The following DNALI1 variants were observed in gnomAD, a reference collection of about 807,000 sequenced individuals.
DNALI1 encodes axonemal dynein light intermediate polypeptide 1.
Under a neutral mutation model 33.9 loss-of-function variants are expected in DNALI1, and 31 were observed. The ratio of observed to expected loss-of-function variants is 0.91; its 90% CI spans 0.69 to 1.23. The LOEUF is 1.23. Ranked by LOEUF, DNALI1 falls within the 50% of genes most tolerant of loss-of-function variation. DNALI1 has a pLI of 0.00. For synonymous variants in DNALI1, 117 were observed against 129.2 expected (o/e 0.91, Z 0.64); for missense variants, 305 against 323.8 (o/e 0.94, Z 0.44).
intron 5 of DNALI1, among the ~76,000 whole-genome samples, chr1:37,564,627 C>A (rs561880988): frequency 2.6e-5 from 4 of 152,260 alleles, no homozygotes; most frequent in African/African-American, 9.6e-5. Flanking sequence ...ACGATCCGCC[C>A]GCCTCAGCCT....
intron 5 of DNALI1, among the ~76,000 whole-genome samples, chr1:37,563,391 A>G (rs1345596005): frequency 6.6e-6 from 1 of 152,218 alleles, no homozygotes; most frequent in Non-Finnish European, 1.5e-5. Context: ...TTCTTCCTGG[A>G]TTAGCAACAA....
At position 37,566,603 on chromosome 1, in the gene DNALI1, A is replaced by G; in HGVS notation, c.*1542A>G. 1 of 447,318 alleles carries G rather than the reference A, an allele frequency of 2.2e-6. No homozygotes were observed. The highest frequency in any genetic ancestry group is 3.9e-6 in the Non-Finnish European group (1 of 254,698). 27.7% of individuals were successfully genotyped at this position (447,318 alleles called of 1,614,324 possible). On this transcript the variant is annotated 3_prime_UTR_variant, in exon 6 of 6. Coordinates refer to ENST00000652629, the MANE Select transcript of DNALI1 (RefSeq NM_003462.5). ...AGACCTCATCCCCTATTTCTGTCAG[A>G]CAGTTATATGACAGGGTGACTGTGG... is the stretch of plus-strand genomic sequence containing the variant.
chr1:37,561,466 T>A lies in DNALI1; in HGVS notation c.398-91T>A. 6.8e-7 allele frequency: 1 copy of A among 1,468,106 alleles called. No individual in the cohort carries two copies. Among genetic ancestry groups the A allele is most frequent in the Non-Finnish European group, 9.2e-7 (1 of 1,081,830 alleles). 90.9% of individuals were successfully genotyped at this position (1,468,106 alleles called of 1,614,324 possible). A position where few individuals can be genotyped will look rare whatever the true frequency, so the allele number is the denominator to read the frequency against. On this transcript the variant is annotated intron_variant, in intron 3 of 5. Transcript: ENST00000652629. The surrounding 1 kb of genome is among the most constrained non-coding windows in gnomAD (Gnocchi z 4.6). ...GTCTCCAAGCGAGAACACCCTAATG[T>A]CCTTCCCAAGAGGAAGGGTGTTTGC...
intron 1 of DNALI1, 144 bp downstream of exon 1, chr1:37,557,219 T>C: frequency 1.5e-6 from 2 of 1,341,948 alleles, no homozygotes; most frequent in Non-Finnish European, 2.0e-6. Context: ...AGAAGGAGGG[T>C]GAGAGGATTG....
Position 37,559,210 on chromosome 1 carries a change from T to A in DNALI1, c.228-117T>A. 1 of 1,078,440 alleles carries A rather than the reference T, an allele frequency of 9.3e-7. No individual in the cohort carries two copies. The highest frequency in any genetic ancestry group is 1.3e-6 in the Non-Finnish European group (1 of 768,524). 66.8% of individuals were successfully genotyped at this position (1,078,440 alleles called of 1,614,324 possible). On this transcript the variant is annotated intron_variant, in intron 2 of 5. Transcript: ENST00000652629. This position sits in a 1 kb window ranked among gnomAD's most constrained non-coding sequence, Gnocchi z 5.3. ...CAAGGGATGGAGGATTCTGGTGGGT[T>A]GGTGGCAAAGCTGCCCCTCACCACT...
In DNALI1 at chr1:37,565,251, C is replaced by T. The variant is rs1480736694; in HGVS notation, c.*190C>T. ...ACACTATTACTCCAATGTCATCAGA[C>T]ACCTAAGGTCTGCCAGCCAGGCTCC... On this transcript the variant is annotated 3_prime_UTR_variant, in exon 6 of 6. Transcript: ENST00000652629. 1.1e-5 allele frequency: 7 copies of T among 628,902 alleles called. No individual in the cohort carries two copies. The highest frequency in any genetic ancestry group is 2.9e-5 in the Admixed American group (1 of 34,264). 39.0% of individuals were successfully genotyped at this position (628,902 alleles called of 1,614,324 possible). A position where few individuals can be genotyped will look rare whatever the true frequency, so the allele number is the denominator to read the frequency against.
rs1643484958 is a variant in DNALI1 at position 37,565,164 on chromosome 1, A to G, written c.*103A>G. On this transcript the variant is annotated 3_prime_UTR_variant, in exon 6 of 6. Transcript: ENST00000652629. ...CATAAGCCCTTTGTAATAAAAAGCT[A>G]GTTTCCTGAGTGAACAAGCCATAAC... 1 of 1,345,602 alleles carries G rather than the reference A, an allele frequency of 7.4e-7. No homozygotes were observed. The highest frequency in any genetic ancestry group is 1.0e-6 in the Non-Finnish European group (1 of 957,648). 83.4% of individuals were successfully genotyped at this position (1,345,602 alleles called of 1,614,324 possible).
In DNALI1 at chr1:37,557,710, G is replaced by A. The variant is rs1643389132; in HGVS notation, c.189G>A (p.Lys63=). 1 of 1,613,826 alleles carries A rather than the reference G, an allele frequency of 6.2e-7. No individual in the cohort carries two copies. Among genetic ancestry groups the A allele is most frequent in the African/African-American group, 1.3e-5 (1 of 74,912 alleles). ...CTCCCTGTGTCCCAGATCCTACAAA[G>A]CAGGCAGAAGAAATCTTGAATGCCA... is the stretch of plus-strand genomic sequence containing the variant. ...PSTPCVPDPT[K]QAEEILNAIL... The change falls in exon 2 of 6, where the codon AAG becomes AAA. Residue 63 remains lysine (K), a synonymous_variant. Coordinates refer to ENST00000652629, the MANE Select transcript of DNALI1 (RefSeq NM_003462.5).
rs2148123547 is a variant in DNALI1, at chr1:37,563,012, C to T, written c.741+767C>T. Among the ~76,000 whole-genome samples, 5 of 152,344 alleles carry T rather than the reference C, an allele frequency of 3.3e-5. 1 individual carries two copies. The South Asian group carries it at 1.0e-3, about 32-fold the overall frequency. On this transcript the variant is annotated intron_variant, in intron 5 of 5. Transcript: ENST00000652629. ...GTTGGGGTCCAGCAATGTGCTTTAA[C>T]AAGGTCTCAGGTGATTCTAATGTTT... is the stretch of plus-strand genomic sequence containing the variant.
Position 37,561,828 on chromosome 1 carries a change from A to G in DNALI1, c.576+93A>G, listed in dbSNP as rs1643443283. 3.3e-6 allele frequency: 5 copies of G among 1,493,654 alleles called. No individual in the cohort carries two copies. The highest frequency in any genetic ancestry group is 4.5e-6 in the Non-Finnish European group (5 of 1,107,690). The allele number at this position is 1,493,654 out of a possible 1,614,324, so 92.5% of individuals were successfully genotyped here. A position where few individuals can be genotyped will look rare whatever the true frequency, so the allele number is the denominator to read the frequency against. ...TTCCAGCACTACATTCTGACCTCCT[A>G]AGGTGCTCTGCTGACAGTCACGACA... On this transcript the variant is annotated intron_variant, in intron 4 of 5. Coordinates refer to ENST00000652629, the MANE Select transcript of DNALI1 (RefSeq NM_003462.5). The surrounding 1 kb of genome is among the most constrained non-coding windows in gnomAD (Gnocchi z 4.6).
In DNALI1 at chr1:37,559,750, CACAG is replaced by C. The variant is rs1283254153; in HGVS notation, c.397+258_397+261del. Among the ~76,000 whole-genome samples, 8 of 152,192 alleles carry C rather than the reference CACAG, an allele frequency of 5.3e-5. No homozygotes were observed. The highest frequency in any genetic ancestry group is 1.7e-4 in the African/African-American group (7 of 41,442). On this transcript the variant is annotated intron_variant, in intron 3 of 5. Coordinates refer to ENST00000652629, the MANE Select transcript of DNALI1 (RefSeq NM_003462.5). The surrounding 1 kb of genome is among the most constrained non-coding windows in gnomAD (Gnocchi z 5.3). ...GGAGAGACTAAGAAAAGAAATAAGACACAGACAAAGTATAGAGAAAGAAAGGTGG... is the reference window on the plus strand; with the variant it reads ...GGAGAGACTAAGAAAAGAAATAAGACACAAAGTATAGAGAAAGAAAGGTGG...
intron 2 of DNALI1, among the ~76,000 whole-genome samples, chr1:37,558,713 G>A (rs1643401301): frequency 1.3e-5 from 2 of 152,100 alleles, no homozygotes; most frequent in Non-Finnish European, 1.5e-5. Flanking sequence ...TTTCTTCCAG[G>A]CCTTCCTTGA....
intron 3 of DNALI1, chr1:37,560,410 T>C (rs895645671): frequency 1.3e-5 from 2 of 152,230 alleles, no homozygotes; most frequent in African/African-American, 4.8e-5. Context: ...GAATGGAGAA[T>C]GGCGATGACT....
At chr1:37,564,699 C>T (rs562510506) in intron 5 of DNALI1, among the ~76,000 whole-genome samples, 2 of 152,248 alleles carry the variant, frequency 1.3e-5, no homozygotes, top group African/African-American at 4.8e-5. Flanking sequence ...AAATGTTTAA[C>T]TTAGCAGACA....
At position 37,561,999 on chromosome 1, in the gene DNALI1, T is replaced by G; in HGVS notation, c.577-82T>G. On this transcript the variant is annotated intron_variant, in intron 4 of 5. Coordinates refer to ENST00000652629, the MANE Select transcript of DNALI1 (RefSeq NM_003462.5). The surrounding 1 kb of genome is among the most constrained non-coding windows in gnomAD (Gnocchi z 4.6). The stretch of plus-strand genomic sequence containing the variant: ...GGCAGTATATACCCTGGCAATGTCA[T>G]GTCCCATGTCCCTTCCACCCAGGCT... The G allele has an allele frequency of 6.3e-7, 1 of 1,588,134 alleles. No individual in the cohort carries two copies.
In DNALI1 at chr1:37,561,597, G is replaced by GT; in HGVS notation, c.438_439insT (p.Gly147TrpfsTer37). ...AGGTCACCATCAACTGTGCGGAGAG[G>GT]GGGCTGCTGCTGCTGCGAGTCCGGG... On this transcript the variant is annotated frameshift_variant, in exon 4 of 6. Transcript: ENST00000652629. LOFTEE classifies it high-confidence loss of function. This position sits in a 1 kb window ranked among gnomAD's most constrained non-coding sequence, Gnocchi z 4.6. The GT allele has an allele frequency of 6.2e-7, 1 of 1,613,946 alleles. No homozygotes were observed. The highest frequency in any genetic ancestry group is 8.5e-7 in the Non-Finnish European group (1 of 1,179,954).
rs1643378164 is a variant in DNALI1, at chr1:37,557,001, C to A, written c.7C>A (p.Pro3Thr). The change falls in exon 1 of 6, where the codon CCG (proline) becomes ACG (threonine). Residue 3 changes from proline (P) to threonine (T), a missense_variant. Coordinates refer to ENST00000652629, the MANE Select transcript of DNALI1 (RefSeq NM_003462.5). ...TGCTACTCTCGCCTCCGCCATGATTCCGCCCGCAGACTCTTTGCTCAAGTA... is the reference window on the plus strand; with the variant it reads ...TGCTACTCTCGCCTCCGCCATGATTACGCCCGCAGACTCTTTGCTCAAGTA... MI[P>T]PADSLLKYDT... 1 of 1,614,222 alleles carries A rather than the reference C, an allele frequency of 6.2e-7. No individual in the cohort carries two copies. Among genetic ancestry groups the A allele is most frequent in the East Asian group, 2.2e-5 (1 of 44,882 alleles).
At chr1:37,564,999 T>A (rs756581994) in intron 5 of DNALI1, 27 bp from the exon 6 acceptor site, 1 of 1,613,730 alleles carries the variant, frequency 6.2e-7, no homozygotes, top group Non-Finnish European at 8.5e-7. Context: ...GTTTCAAGTA[T>A]TAATGGAGCT....
intron 1 of DNALI1, 80 bp downstream of exon 1, chr1:37,557,155 A>G: frequency 6.3e-7 from 1 of 1,598,918 alleles, no homozygotes; most frequent in Non-Finnish European, 8.5e-7. Flanking sequence ...AGGGTCAGGA[A>G]TCTCAAGGGA....
Sources: allele counts gnomAD v4.1 joint callset (sites outside exome capture counted in the v4.1 genomes callset), GRCh38; gene constraint gnomAD v4.1.1; non-coding constraint Gnocchi (gnomAD v3.1); transcripts MANE v1.5; gene names NCBI Gene and HGNC (gene_info 2026-07-23, HGNC 2026-07-21).